Variants in PTPRN2 observed in about 807,000 individuals in gnomAD.
PTPRN2 encodes the protein receptor-type tyrosine-protein phosphatase N2.
In PTPRN2, 74 loss-of-function variants were observed where a neutral mutation model predicts 118.8. That is an observed-to-expected ratio of 0.62 (90% confidence interval 0.52 to 0.76). PTPRN2 has a LOEUF of 0.76. Ranked by LOEUF, PTPRN2 falls within the 30% of genes least tolerant of loss-of-function variation. The pLI, the probability that PTPRN2 is intolerant of heterozygous loss-of-function variation, is 0.00. For synonymous variants in PTPRN2, 641 were observed against 608.0 expected, an observed-to-expected ratio of 1.05 and a Z score of -0.80; for missense variants, 1,481 against 1,394.4, an observed-to-expected ratio of 1.06 and a Z score of -0.99.
chr7:157,896,445 G>A (rs895290111), intron 12 of PTPRN2, among the ~76,000 whole-genome samples: 23 of 152,118 alleles, frequency 1.5e-4, no homozygotes, highest in Non-Finnish European at 1.8e-4. Flanking sequence ...GCTCAGGTGC[G>A]TGTGGGAAGG....
At position 158,316,715 on chromosome 7, in the gene PTPRN2, G is replaced by A. The variant is rs532074234; in HGVS notation, c.277+104C>T. ...ACCTGCCCCTTCCACCACCACACTCGTGGATTCAGTCCGTCCCAGCTCCTC... is the reference window on the plus strand; with the variant it reads ...ACCTGCCCCTTCCACCACCACACTCATGGATTCAGTCCGTCCCAGCTCCTC... On this transcript the variant is annotated intron_variant, in intron 3 of 22. Coordinates refer to ENST00000389418, the MANE Select transcript of PTPRN2 (RefSeq NM_002847.5). 1,302 of 821,394 alleles carry A rather than the reference G, an allele frequency of 1.6e-3. 1 individual carries two copies. Among genetic ancestry groups the A allele is most frequent in the Middle Eastern group, 5.5e-3 (15 of 2,718 alleles). 50.9% of individuals were successfully genotyped at this position (821,394 alleles called of 1,614,324 possible).
chr7:158,529,733 G>C lies in PTPRN2; in HGVS notation c.113-39948C>G, dbSNP rs1021136328. ...GCCCCAGGGGCTGTGGGGAGGGGCGGTCACCAGAAGGGGCCAGGCGGGAGC... is the reference window on the plus strand; with the variant it reads ...GCCCCAGGGGCTGTGGGGAGGGGCGCTCACCAGAAGGGGCCAGGCGGGAGC... On this transcript the variant is annotated intron_variant, in intron 1 of 22. Transcript: ENST00000389418. The surrounding 1 kb of genome is among the most constrained non-coding windows in gnomAD (Gnocchi z 4.7). Among the ~76,000 whole-genome samples, 2 of 152,082 alleles carry C rather than the reference G, an allele frequency of 1.3e-5. No individual in the cohort carries two copies. The highest frequency in any genetic ancestry group is 4.1e-4 in the South Asian group (2 of 4,824).
chr7:157,850,938 T>C (rs1809232991), intron 12 of PTPRN2, among the ~76,000 whole-genome samples: 1 of 152,238 alleles, frequency 6.6e-6, no homozygotes, highest in Non-Finnish European at 1.5e-5. Context: ...TCTTCCCTAT[T>C]CTTGGTTTAC....
intron 1 of PTPRN2, among the ~76,000 whole-genome samples, chr7:158,521,722 A>C (rs1413497221): frequency 3.1e-4 from 32 of 102,412 alleles, no homozygotes; most frequent in Admixed American, 8.9e-4. Flanking sequence ...CTCAGGAGGG[A>C]GGTCCACGTC....
At chr7:158,097,207 C>T (rs1814696423) in intron 10 of PTPRN2, among the ~76,000 whole-genome samples, 1 of 152,062 alleles carries the variant, frequency 6.6e-6, no homozygotes, top group South Asian at 2.1e-4. Context: ...GGGACTTCTC[C>T]CACTGGCAGG....
rs1467433256 is a variant in PTPRN2 at position 158,186,685 on chromosome 7, CT to C, written c.549+5641del. ...GAGCGCGCCTGGGCCTACCTGCCCC[CT>C]CTGTCAGAAGCCCGCCTGGGCCACC... On this transcript the variant is annotated intron_variant, in intron 5 of 22. Transcript: ENST00000389418. Among the ~76,000 whole-genome samples, 6 of 151,510 alleles carry C rather than the reference CT, an allele frequency of 4.0e-5. No individual in the cohort carries two copies. In the East Asian group the frequency reaches 1.2e-3, roughly 30 times the overall value.
At chr7:158,389,557 CCTT>C (rs1242603332) in intron 2 of PTPRN2, among the ~76,000 whole-genome samples, 1 of 152,200 alleles carries the variant, frequency 6.6e-6, no homozygotes, top group Non-Finnish European at 1.5e-5. Context: ...AAACACTCCT[CCTT>C]ATTAAATAAA....
intron 12 of PTPRN2, among the ~76,000 whole-genome samples, chr7:157,695,496 T>C (rs997486890): frequency 2.6e-5 from 4 of 152,170 alleles, no homozygotes; most frequent in African/African-American, 7.2e-5. Flanking sequence ...CTTAAAAATA[T>C]TGTAGGTATG....
intron 12 of PTPRN2, among the ~76,000 whole-genome samples, chr7:157,795,924 T>C (rs11982874): frequency 0.34 from 51,609 of 152,146 alleles, 11,162 homozygotes; most frequent in African/African-American, 0.62. Flanking sequence ...CTCAGAAACC[T>C]GGGGCTAAGG....
intron 10 of PTPRN2, among the ~76,000 whole-genome samples, chr7:158,094,587 A>G (rs573455888): frequency 6.6e-5 from 10 of 152,272 alleles, no homozygotes; most frequent in East Asian, 1.9e-4. Context: ...GATTACAGGC[A>G]TGAGCCACTG....
intron 20 of PTPRN2, 53 bp downstream of exon 20, chr7:157,571,387 G>T: frequency 1.5e-6 from 2 of 1,352,152 alleles, no homozygotes; most frequent in Non-Finnish European, 2.1e-6. Context: ...TAATTGCATA[G>T]ATTAGTTTTT....
chr7:157,576,471 C>T, intron 19 of PTPRN2, 142 bp downstream of exon 19: 1 of 867,370 alleles, frequency 1.2e-6, no homozygotes, highest in African/African-American at 1.7e-5. Flanking sequence ...CTTCCCGCCT[C>T]TCGCTTCCCT....
intron 16 of PTPRN2, among the ~76,000 whole-genome samples, chr7:157,599,840 C>T (rs1187643792): frequency 6.9e-6 from 1 of 145,256 alleles, no homozygotes; most frequent in Non-Finnish European, 1.5e-5. Flanking sequence ...TTTCTACCTG[C>T]CCACCTCTCC....
intron 12 of PTPRN2, among the ~76,000 whole-genome samples, chr7:157,709,054 G>A (rs1798469735): frequency 1.3e-5 from 2 of 152,220 alleles, no homozygotes; most frequent in Non-Finnish European, 2.9e-5. Context: ...AGGCGGCAGA[G>A]GAGCGAGCCG....
At chr7:157,613,446 G>A (rs1802520105) in intron 15 of PTPRN2, among the ~76,000 whole-genome samples, 1 of 152,214 alleles carries the variant, frequency 6.6e-6, no homozygotes, top group Non-Finnish European at 1.5e-5. Flanking sequence ...CGCCTCCCGC[G>A]GCTGCGGCCA....
At chr7:158,142,128 C>T (rs953863644) in intron 6 of PTPRN2, among the ~76,000 whole-genome samples, 6 of 152,338 alleles carry the variant, frequency 3.9e-5, no homozygotes, top group Admixed American at 6.5e-5. Flanking sequence ...GCCCCTCCCA[C>T]GAACAGCCAA....
intron 22 of PTPRN2, among the ~76,000 whole-genome samples, chr7:157,541,741 G>C (rs908746890): frequency 7.2e-5 from 11 of 152,156 alleles, no homozygotes; most frequent in African/African-American, 2.2e-4. Context: ...TAAGGAACAG[G>C]GCAGCCCCAA....
intron 1 of PTPRN2, among the ~76,000 whole-genome samples, chr7:158,508,282 G>A (rs1169248184): frequency 1.3e-5 from 2 of 152,222 alleles, no homozygotes; most frequent in Non-Finnish European, 2.9e-5. Flanking sequence ...AGCTTTCGAT[G>A]GTCGGCAGGA....
chr7:157,692,048 G>A (rs1797528070), intron 12 of PTPRN2, among the ~76,000 whole-genome samples: 1 of 152,228 alleles, frequency 6.6e-6, no homozygotes, highest in Admixed American at 6.5e-5. Context: ...GAGAAGAAAG[G>A]AAGAGGGGGG....
Sources: allele counts gnomAD v4.1 joint callset (sites outside exome capture counted in the v4.1 genomes callset), GRCh38; gene constraint gnomAD v4.1.1; non-coding constraint Gnocchi (gnomAD v3.1); transcripts MANE v1.5; gene names NCBI Gene and HGNC (gene_info 2026-07-23, HGNC 2026-07-21).